DPP8: variants seen among roughly 807,000 people sequenced by gnomAD.
DPP8 encodes the protein DPP VIII.
DPP8 carries 31 observed loss-of-function variants against 107.5 expected under a neutral mutation model. The observed-to-expected ratio is 0.29, with a 90% CI of 0.22 to 0.39. The LOEUF (loss-of-function observed/expected upper bound fraction) is 0.39. Ranked by LOEUF, DPP8 falls within the 10% of genes least tolerant of loss-of-function variation. The pLI is 1.00. For synonymous variants in DPP8, 381 were observed against 356.6 expected (o/e 1.07, Z -0.77); for missense variants, 842 against 1,076.1 (o/e 0.78, Z 3.04).
At chr15:65,454,229 A>T in intron 17 of DPP8, 34 bp downstream of exon 17, 1 of 1,418,652 alleles carries the variant, frequency 7.0e-7, no homozygotes, top group Non-Finnish European at 9.3e-7. Flanking sequence ...ATCTACCCTT[A>T]TTGCAAAAAT....
In DPP8 at chr15:65,475,643, A is replaced by G; in HGVS notation, c.1457-1355T>C. 3 of 777,234 alleles carry G rather than the reference A, an allele frequency of 3.9e-6. No homozygotes were observed. The East Asian group carries it at 8.9e-5, about 23-fold the overall frequency. 48.1% of individuals were successfully genotyped at this position (777,234 alleles called of 1,614,324 possible). A position where few individuals can be genotyped will look rare whatever the true frequency, so the allele number is the denominator to read the frequency against. On this transcript the variant is annotated intron_variant, in intron 11 of 19. Coordinates refer to ENST00000300141, the MANE Select transcript of DPP8 (RefSeq NM_130434.5). ...AAGGCATTTCTTCTAGAAATGCAAC[A>G]AACTACTTTAAAACTCACAAAAGAA...
intron 12 of DPP8, among the ~76,000 whole-genome samples, chr15:65,472,860 C>T (rs191522089): frequency 3.6e-4 from 54 of 152,030 alleles, no homozygotes; most frequent in African/African-American, 1.2e-3. Flanking sequence ...GGCAACATGG[C>T]GGAATCCCGT....
At chr15:65,512,164 AG>A (rs2070871976) in intron 2 of DPP8, 130 bp downstream of exon 2, 1 of 896,414 alleles carries the variant, frequency 1.1e-6, no homozygotes, top group African/African-American at 1.7e-5. Context: ...TTCAAATTAT[AG>A]GCTTTTCTTT....
intron 14 of DPP8, 148 bp downstream of exon 14, chr15:65,466,530 A>C (rs7496335): frequency 5.9e-6 from 4 of 676,044 alleles, no homozygotes; most frequent in Non-Finnish European, 1.0e-5. Flanking sequence ...ATAGGAGAAG[A>C]GGGATCTATC....
chr15:65,490,947 C>T (rs1459246175), intron 5 of DPP8, among the ~76,000 whole-genome samples: 1 of 151,926 alleles, frequency 6.6e-6, no homozygotes, highest in African/African-American at 2.4e-5. Context: ...ATCACAAGGT[C>T]AGGAGTTTGA....
rs2064435381 is a variant in DPP8 at position 65,456,523 on chromosome 15, CTGTT to C, written c.1972-156_1972-153del. 6.0e-6 allele frequency: 5 copies of C among 831,332 alleles called. No homozygotes were observed. The Admixed American group carries it at 1.3e-4, about 21-fold the overall frequency. 51.5% of individuals were successfully genotyped at this position (831,332 alleles called of 1,614,324 possible). A position where few individuals can be genotyped will look rare whatever the true frequency, so the allele number is the denominator to read the frequency against. On this transcript the variant is annotated intron_variant, in intron 15 of 19. Transcript: ENST00000300141. ...GTCATTTCTTTTTAAATTAACAAGT[CTGTT>C]TATTTGCTTCTTGCTTAACTTCACA...
intron 4 of DPP8, 36 bp from the exon 5 acceptor site, chr15:65,498,068 G>C: frequency 2.0e-6 from 3 of 1,477,674 alleles, no homozygotes. Flanking sequence ...GTAAGTATTA[G>C]GCTGACACAT....
intron 8 of DPP8, among the ~76,000 whole-genome samples, chr15:65,482,377 G>C (rs2067009992): frequency 6.6e-6 from 1 of 151,836 alleles, no homozygotes; most frequent in Admixed American, 6.6e-5. Context: ...TGCCTCCCGG[G>C]TTTAAGTGAT....
intron 3 of DPP8, among the ~76,000 whole-genome samples, chr15:65,501,159 G>A (rs138305134): frequency 0.048 from 7,278 of 152,072 alleles, 595 homozygotes; most frequent in African/African-American, 0.17. Context: ...TTACAGGCGT[G>A]AGACACCGCG....
intron 2 of DPP8, among the ~76,000 whole-genome samples, chr15:65,511,090 C>A (rs352479): frequency 0.44 from 66,675 of 151,888 alleles, 17,142 homozygotes; most frequent in Non-Finnish European, 0.57. Flanking sequence ...CCCTTTTTCC[C>A]AGTACTTCCA....
At chr15:65,500,418 C>CA (rs368383988) in intron 4 of DPP8, among the ~76,000 whole-genome samples, 188 bp downstream of exon 4, 3,185 of 136,972 alleles carry the variant, frequency 0.023, 71 homozygotes, top group African/African-American at 0.056. Flanking sequence ...AATTCTGTCT[C>CA]AAAAAAAAAA....
chr15:65,499,059 C>G (rs915787144), intron 4 of DPP8, among the ~76,000 whole-genome samples: 1 of 130,370 alleles, frequency 7.7e-6, no homozygotes, highest in Non-Finnish European at 1.6e-5. Context: ...TTGTCTCCCC[C>G]CCAAAAAAAA....
chr15:65,512,731 T>C, intron 1 of DPP8, 167 bp from the exon 2 acceptor site: 1 of 651,496 alleles, frequency 1.5e-6, no homozygotes. Context: ...CTCTCCCTTC[T>C]CTGTGTTCAG....
chr15:65,448,865 A>AATATATATATATGTGTATGTGT (rs2063708066), intron 19 of DPP8, among the ~76,000 whole-genome samples: 1 of 53,312 alleles, frequency 1.9e-5, no homozygotes, highest in African/African-American at 6.3e-5. Context: ...ATATATCTAA[A>AATATATATATATGTGTATGTGT]ATATATATAT....
intron 2 of DPP8, among the ~76,000 whole-genome samples, chr15:65,511,657 A>AC (rs2070789299): frequency 1.3e-5 from 2 of 150,440 alleles, no homozygotes; most frequent in Admixed American, 1.3e-4. Flanking sequence ...AAAAAAAAAA[A>AC]ACTATAATTA....
chr15:65,474,233 T>C lies in DPP8; in HGVS notation c.1512A>G (p.Glu504=). The C allele has an allele frequency of 6.2e-7, 1 of 1,612,570 alleles. No individual in the cohort carries two copies. The highest frequency in any genetic ancestry group is 8.5e-7 in the Non-Finnish European group (1 of 1,178,614). The part of the protein sequence containing the change: ...EEIAITSGEW[E]VLGRHGSNIQ... ...CATTAGATCCATGCCGGCCAAGAAC[T>C]TCCCATTCACCACTGGTAATTGCTA... The change falls in exon 12 of 20, where the codon GAA becomes GAG. Residue 504 remains glutamate, a synonymous_variant. Transcript: ENST00000300141.
At chr15:65,455,958 A>C (rs1595866778) in intron 16 of DPP8, 1 of 917,468 alleles carries the variant, frequency 1.1e-6, no homozygotes, top group African/African-American at 1.7e-5. Context: ...CTGAAAGCTA[A>C]ATGGTGCTAA....
chr15:65,503,686 G>A (rs1036849391), intron 3 of DPP8, among the ~76,000 whole-genome samples: 7 of 151,114 alleles, frequency 4.6e-5, no homozygotes, highest in Admixed American at 2.0e-4. Flanking sequence ...GCAGTGGCAC[G>A]ATTTAAGCTC....
chr15:65,464,213 A>C (rs1228585051), intron 14 of DPP8, among the ~76,000 whole-genome samples: 1 of 152,106 alleles, frequency 6.6e-6, no homozygotes, highest in Non-Finnish European at 1.5e-5. Flanking sequence ...AATACAAAAA[A>C]TTAGCTGGGC....
Sources: allele counts gnomAD v4.1 joint callset (sites outside exome capture counted in the v4.1 genomes callset), GRCh38; gene constraint gnomAD v4.1.1; transcripts MANE v1.5; gene names NCBI Gene and HGNC (gene_info 2026-07-23, HGNC 2026-07-21).